Variants in MBD5 observed in about 807,000 individuals in gnomAD.
The protein encoded by MBD5 is methyl-CpG-binding domain protein 5.
In MBD5, 13 loss-of-function variants were observed where a neutral mutation model predicts 117.3. That is an observed-to-expected ratio of 0.11 (90% CI 0.07 to 0.18). The LOEUF is 0.18. Among genes scored for constraint, MBD5 ranks in the 10% least tolerant of loss-of-function variants. The pLI is 1.00. For synonymous variants in MBD5, 727 were observed against 766.4 expected, an observed-to-expected ratio of 0.95 and a Z score of 0.85; for missense variants, 1,879 against 2,093.8, an observed-to-expected ratio of 0.90 and a Z score of 2.00.
At chr2:148,494,851 T>C (rs2105169858) in intron 11 of MBD5, among the ~76,000 whole-genome samples, 1 of 152,188 alleles carries the variant, frequency 6.6e-6, no homozygotes, top group South Asian at 2.1e-4. Context: ...TAGTCCCAGC[T>C]ACTGCGGAGG....
At chr2:148,273,548 G>A (rs1228469359) in intron 3 of MBD5, among the ~76,000 whole-genome samples, 1 of 152,028 alleles carries the variant, frequency 6.6e-6, no homozygotes. Flanking sequence ...TCAGCACGTT[G>A]TGACACCCCC....
chr2:148,223,215 G>C (rs918128343), intron 2 of MBD5, among the ~76,000 whole-genome samples: 2 of 152,054 alleles, frequency 1.3e-5, no homozygotes, highest in African/African-American at 4.8e-5. Flanking sequence ...AGAAATACTG[G>C]CCTGTGGTTT....
intron 3 of MBD5, among the ~76,000 whole-genome samples, chr2:148,314,245 A>G (rs541084759): frequency 3.3e-5 from 5 of 151,856 alleles, no homozygotes; most frequent in African/African-American, 9.7e-5. Context: ...TCCTCATACT[A>G]TAGTTTTTCA....
chr2:148,322,977 C>T, intron 3 of MBD5, among the ~76,000 whole-genome samples: 1 of 147,348 alleles, frequency 6.8e-6, no homozygotes, highest in Non-Finnish European at 1.5e-5. Flanking sequence ...GTATATCTCC[C>T]AATGCTATCC....
chr2:148,499,835 T>C (rs1681818045), intron 11 of MBD5, among the ~76,000 whole-genome samples: 1 of 152,218 alleles, frequency 6.6e-6, no homozygotes, highest in Non-Finnish European at 1.5e-5. Context: ...GTTTCTTGAA[T>C]ATTTTTCAAA....
At chr2:148,463,623 A>G (rs1389717022) in intron 6 of MBD5, 116 bp from the exon 7 acceptor site, 1 of 1,274,910 alleles carries the variant, frequency 7.8e-7, no homozygotes, top group Non-Finnish European at 1.1e-6. Flanking sequence ...AAAACTTGAG[A>G]AAGTTTTATT....
intron 1 of MBD5, among the ~76,000 whole-genome samples, chr2:148,085,585 G>A (rs553043920): frequency 6.6e-6 from 1 of 151,060 alleles, no homozygotes; most frequent in Non-Finnish European, 1.5e-5. Context: ...TTAGCCGGGC[G>A]TAGTGGCGGG....
intron 1 of MBD5, among the ~76,000 whole-genome samples, chr2:148,150,849 A>G (rs1476291424): frequency 3.9e-5 from 6 of 152,060 alleles, no homozygotes; most frequent in Non-Finnish European, 7.4e-5. Context: ...GGGCTGAGAC[A>G]ATGGGGTGTT....
intron 1 of MBD5, among the ~76,000 whole-genome samples, chr2:148,108,808 G>A (rs1696437668): frequency 6.6e-6 from 1 of 152,148 alleles, no homozygotes; most frequent in South Asian, 2.1e-4. Flanking sequence ...AATGCCAAAA[G>A]TAAGGCTAAA....
chr2:148,122,666 C>T (rs917727230), intron 1 of MBD5, among the ~76,000 whole-genome samples: 4 of 152,096 alleles, frequency 2.6e-5, no homozygotes, highest in Non-Finnish European at 5.9e-5. Context: ...GGTGGCTTGA[C>T]GAAACTAACG....
intron 11 of MBD5, among the ~76,000 whole-genome samples, chr2:148,496,038 G>A (rs575564325): frequency 5.3e-5 from 8 of 152,328 alleles, no homozygotes; most frequent in African/African-American, 1.7e-4. Context: ...GTTTATCAGT[G>A]TTAGCTGTTT....
chr2:148,249,773 A>G (rs1423869648), intron 3 of MBD5, among the ~76,000 whole-genome samples: 7 of 152,050 alleles, frequency 4.6e-5, no homozygotes, highest in Admixed American at 1.3e-4. Context: ...TTCTATTACT[A>G]TCTAAATCAG....
At chr2:148,227,904 G>T (rs1181984963) in intron 2 of MBD5, among the ~76,000 whole-genome samples, 1 of 152,042 alleles carries the variant, frequency 6.6e-6, no homozygotes, top group Admixed American at 6.6e-5. Flanking sequence ...CTCATGATTT[G>T]GCTCTCTGTC....
At chr2:148,489,307 T>A in intron 10 of MBD5, 79 bp from the exon 11 acceptor site, 2 of 1,556,776 alleles carry the variant, frequency 1.3e-6, no homozygotes, top group Non-Finnish European at 1.8e-6. Context: ...TTTTGGTAAA[T>A]TTTAAAATTA....
chr2:148,093,760 T>G (rs1695998378), intron 1 of MBD5, among the ~76,000 whole-genome samples: 1 of 152,184 alleles, frequency 6.6e-6, no homozygotes, highest in South Asian at 2.1e-4. Flanking sequence ...ATTGAGATGT[T>G]GAGGCTATGG....
chr2:148,280,131 C>CAAAAAAAAAAAAAA (rs3076398), intron 3 of MBD5, among the ~76,000 whole-genome samples: 347 of 91,468 alleles, frequency 3.8e-3, no homozygotes, highest in African/African-American at 4.6e-3. Context: ...AAACTAACTG[C>CAAAAAAAAAAAAAA]AAAAAAAAAA....
At chr2:148,237,680 C>CA (rs1700120195) in intron 3 of MBD5, among the ~76,000 whole-genome samples, 1 of 152,150 alleles carries the variant, frequency 6.6e-6, no homozygotes, top group Non-Finnish European at 1.5e-5. Flanking sequence ...AAATGTGACT[C>CA]AGAGTCATGA....
At chr2:148,327,485 G>T (rs978437535) in intron 3 of MBD5, among the ~76,000 whole-genome samples, 8 of 152,168 alleles carry the variant, frequency 5.3e-5, no homozygotes, top group African/African-American at 1.9e-4. Flanking sequence ...ACACCAGTCA[G>T]ACGTAGATTT....
chr2:148,502,601 C>A, intron 12 of MBD5, 92 bp downstream of exon 12: 3 of 1,251,304 alleles, frequency 2.4e-6, no homozygotes, highest in South Asian at 1.3e-5. Flanking sequence ...CTGATTCTGT[C>A]CACGCTGTGG....
Sources: allele counts gnomAD v4.1 joint callset (sites outside exome capture counted in the v4.1 genomes callset), GRCh38; gene constraint gnomAD v4.1.1; transcripts MANE v1.5; gene names NCBI Gene and HGNC (gene_info 2026-07-23, HGNC 2026-07-21).